The following SDC3 variants were observed in gnomAD, a reference collection of about 807,000 sequenced individuals.
SDC3 encodes syndecan-3.
A neutral mutation model predicts 24.4 loss-of-function variants in SDC3; 13 were observed. The observed-to-expected ratio is 0.53, with a 90% CI of 0.35 to 0.85. The LOEUF (loss-of-function observed/expected upper bound fraction) is 0.85, where lower values mean the gene tolerates loss of function less well. Ranked by LOEUF, SDC3 falls within the 40% of genes least tolerant of loss-of-function variation. The pLI is 0.01. For synonymous variants in SDC3, 295 were observed against 260.9 expected, an observed-to-expected ratio of 1.13 and a Z score of -1.26; for missense variants, 571 against 584.5, an observed-to-expected ratio of 0.98 and a Z score of 0.24.
At chr1:30,876,353 C>G (rs1475792006) in intron 3 of SDC3, among the ~76,000 whole-genome samples, 199 bp downstream of exon 3, 1 of 152,166 alleles carries the variant, frequency 6.6e-6, no homozygotes, top group Non-Finnish European at 1.5e-5. Flanking sequence ...CATTAGGATC[C>G]AACCACCCCA....
At chr1:30,900,371 C>G (rs1259342123) in intron 1 of SDC3, among the ~76,000 whole-genome samples, 3 of 152,204 alleles carry the variant, frequency 2.0e-5, no homozygotes, top group Admixed American at 2.0e-4. Context: ...ACACAGGGAG[C>G]ATCTTGAAGG....
intron 3 of SDC3, 89 bp from the exon 4 acceptor site, chr1:30,874,677 T>A: frequency 8.4e-7 from 1 of 1,186,400 alleles, no homozygotes; most frequent in Non-Finnish European, 1.2e-6. Context: ...GGCTAACACT[T>A]AGCACTCCCT....
At chr1:30,906,652 A>G (rs1382763010) in intron 1 of SDC3, among the ~76,000 whole-genome samples, 1 of 151,978 alleles carries the variant, frequency 6.6e-6, no homozygotes, top group Non-Finnish European at 1.5e-5. Flanking sequence ...CATCCCATTG[A>G]ATTTTTGCCC....
intron 1 of SDC3, among the ~76,000 whole-genome samples, chr1:30,891,287 G>A (rs1639900142): frequency 6.6e-6 from 1 of 152,168 alleles, no homozygotes; most frequent in Non-Finnish European, 1.5e-5. Flanking sequence ...TGCCTCTTCA[G>A]GCCCCACCCT....
At chr1:30,903,092 T>C (rs902560905) in intron 1 of SDC3, among the ~76,000 whole-genome samples, 28 of 152,138 alleles carry the variant, frequency 1.8e-4, no homozygotes, top group African/African-American at 6.5e-4. Flanking sequence ...TCCTGACAGC[T>C]GGGGGACCCC....
At chr1:30,887,830 A>G (rs1370515084) in intron 1 of SDC3, among the ~76,000 whole-genome samples, 2 of 151,990 alleles carry the variant, frequency 1.3e-5, no homozygotes, top group Non-Finnish European at 2.9e-5. Flanking sequence ...CCTGCTCCCA[A>G]TCGCTATGGG....
At chr1:30,875,823 C>G in intron 3 of SDC3, among the ~76,000 whole-genome samples, 1 of 152,210 alleles carries the variant, frequency 6.6e-6, no homozygotes, top group Non-Finnish European at 1.5e-5. Context: ...GAAGTGGCTT[C>G]ACCTCCCTGT....
intron 3 of SDC3, among the ~76,000 whole-genome samples, chr1:30,876,309 T>A (rs980999698): frequency 6.6e-5 from 10 of 152,122 alleles, no homozygotes; most frequent in Admixed American, 6.5e-4. Flanking sequence ...AATGCACACG[T>A]TCACCCAATT....
intron 1 of SDC3, among the ~76,000 whole-genome samples, chr1:30,882,271 A>T (rs948051851): frequency 1.3e-5 from 2 of 152,204 alleles, no homozygotes; most frequent in Non-Finnish European, 2.9e-5. Flanking sequence ...ACACATCGGG[A>T]TGAAATGTGG....
chr1:30,894,748 C>T (rs896346519), intron 1 of SDC3, among the ~76,000 whole-genome samples: 17 of 151,240 alleles, frequency 1.1e-4, no homozygotes, highest in African/African-American at 2.2e-4. Context: ...AATGTGTGGG[C>T]GTACACAGGC....
At chr1:30,901,213 C>T (rs897535388) in intron 1 of SDC3, among the ~76,000 whole-genome samples, 19 of 152,208 alleles carry the variant, frequency 1.2e-4, no homozygotes, top group African/African-American at 4.3e-4. Context: ...GGCTGGAGAG[C>T]CAGCCCCAAT....
intron 1 of SDC3, among the ~76,000 whole-genome samples, chr1:30,893,841 C>T (rs1430166129): frequency 6.6e-6 from 1 of 152,112 alleles, no homozygotes; most frequent in Non-Finnish European, 1.5e-5. Flanking sequence ...CCTAGCCTGC[C>T]GGCATCCAGA....
In SDC3 at chr1:30,869,651, T is replaced by A. The variant is rs181770512; in HGVS notation, c.*3560A>T. 2.5e-6 allele frequency: 1 copy of A among 398,506 alleles called. No individual in the cohort carries two copies. Among genetic ancestry groups the A allele is most frequent in the Admixed American group, 4.4e-5 (1 of 22,738 alleles). The allele number at this position is 398,506 out of a possible 1,614,324, so 24.7% of individuals were successfully genotyped here. On this transcript the variant is annotated 3_prime_UTR_variant, in exon 5 of 5. Coordinates refer to ENST00000339394, the MANE Select transcript of SDC3 (RefSeq NM_014654.4). ...TTGGTCTCTTTTTTCCACTGTCTTT[T>A]TCTTTTGTTTTTCTTATTTAAGGTT... is the stretch of plus-strand genomic sequence containing the variant.
At position 30,870,147 on chromosome 1, in the gene SDC3, C is replaced by T. The variant is rs2124299414; in HGVS notation, c.*3064G>A. Reference sequence around the variant, plus strand: ...TGCTCCCTGTGTCCAGGGGCCCCCACCAGGAGGCCTGACAGGCGGCTTTGC... The same window carrying T: ...TGCTCCCTGTGTCCAGGGGCCCCCATCAGGAGGCCTGACAGGCGGCTTTGC... On this transcript the variant is annotated 3_prime_UTR_variant, in exon 5 of 5. Transcript: ENST00000339394. The T allele has an allele frequency of 2.6e-6, 1 of 380,704 alleles. No individual in the cohort carries two copies. The highest frequency in any genetic ancestry group is 4.6e-6 in the Non-Finnish European group (1 of 215,398). The allele number at this position is 380,704 out of a possible 1,614,324, so 23.6% of individuals were successfully genotyped here.
At position 30,869,534 on chromosome 1, in the gene SDC3, A is replaced by C. The variant is rs1294575093; in HGVS notation, c.*3677T>G. On this transcript the variant is annotated 3_prime_UTR_variant, in exon 5 of 5. Coordinates refer to ENST00000339394, the MANE Select transcript of SDC3 (RefSeq NM_014654.4). Reference sequence around the variant, plus strand: ...ACAGGAAGTGTTAAAAAAACAAACAAACAAAAAAAAAAAAAAAAAAAAAAA... The same window carrying C: ...ACAGGAAGTGTTAAAAAAACAAACACACAAAAAAAAAAAAAAAAAAAAAAA... 15 of 307,132 alleles carry C rather than the reference A, an allele frequency of 4.9e-5. No individual in the cohort carries two copies. The African/African-American group carries it at 6.1e-4, about 13-fold the overall frequency. The allele number at this position is 307,132 out of a possible 1,614,324, so 19.0% of individuals were successfully genotyped here.
intron 1 of SDC3, among the ~76,000 whole-genome samples, chr1:30,898,699 G>A (rs1638337481): frequency 6.6e-6 from 1 of 152,188 alleles, no homozygotes; most frequent in Non-Finnish European, 1.5e-5. Flanking sequence ...CGTCCTGCCT[G>A]CCCTTCCCCA....
chr1:30,889,208 C>T (rs1279188634), intron 1 of SDC3, among the ~76,000 whole-genome samples: 1 of 152,172 alleles, frequency 6.6e-6, no homozygotes, highest in Non-Finnish European at 1.5e-5. Flanking sequence ...TAGGACTGAC[C>T]TCAGGGGTTG....
At chr1:30,882,020 A>T (rs1472821747) in intron 1 of SDC3, among the ~76,000 whole-genome samples, 2 of 152,108 alleles carry the variant, frequency 1.3e-5, no homozygotes, top group Non-Finnish European at 2.9e-5. Flanking sequence ...TGGTGATAAG[A>T]CTATGCAGCT....
chr1:30,892,014 C>T (rs907342911), intron 1 of SDC3, among the ~76,000 whole-genome samples: 1 of 151,964 alleles, frequency 6.6e-6, no homozygotes, highest in Non-Finnish European at 1.5e-5. Context: ...AAACCCAGTG[C>T]TCACCCCCCC....
Sources: gnomAD v4.1 joint callset for allele counts (sites outside exome capture counted in the v4.1 genomes callset) on GRCh38, gnomAD v4.1.1 for gene constraint, MANE v1.5 for transcripts, NCBI Gene and HGNC (gene_info 2026-07-23, HGNC 2026-07-21) for gene names.